The following SDK2 variants were observed in gnomAD, a reference collection of about 807,000 sequenced individuals.
The protein encoded by SDK2 is protein sidekick-2.
A neutral mutation model predicts 253.9 loss-of-function variants in SDK2; 105 were observed. The observed-to-expected ratio is 0.41, with a 90% CI of 0.35 to 0.49. The LOEUF (loss-of-function observed/expected upper bound fraction) is 0.49. Among genes scored for constraint, SDK2 ranks in the 20% least tolerant of loss-of-function variants. The pLI is 0.06. For synonymous variants in SDK2, 1,249 were observed against 1,234.9 expected (o/e 1.01, Z -0.24); for missense variants, 2,608 against 3,003.0 (o/e 0.87, Z 3.07).
chr17:73,643,957 TCCCGCCGCCCCTCC>T lies in SDK2; in HGVS notation c.64+54_64+67del. On this transcript the variant is annotated intron_variant, in intron 1 of 44. Transcript: ENST00000392650. The surrounding 1 kb of genome is among the most constrained non-coding windows in gnomAD (Gnocchi z 6.9). ...GGAGGTCACCGTGAGGCCGGCCAGC[TCCCGCCGCCCCTCC>T]CCCGCCCACTCTCCCAGCCCCCTCC... 2.0e-6 allele frequency: 2 copies of T among 1,019,998 alleles called. No homozygotes were observed. The highest frequency in any genetic ancestry group is 1.6e-5 in the African/African-American group (1 of 63,134). The allele number at this position is 1,019,998 out of a possible 1,614,324, so 63.2% of individuals were successfully genotyped here. A position where few individuals can be genotyped will look rare whatever the true frequency, so the allele number is the denominator to read the frequency against.
intron 2 of SDK2, among the ~76,000 whole-genome samples, chr17:73,506,696 G>A (rs562209636): frequency 9.8e-5 from 15 of 152,354 alleles, no homozygotes; most frequent in East Asian, 3.9e-4. Flanking sequence ...TAAAACAGGC[G>A]GAGGTGGGAG....
At chr17:73,350,874 T>C in intron 41 of SDK2, 84 bp from the exon 42 acceptor site, 1 of 1,417,334 alleles carries the variant, frequency 7.1e-7, no homozygotes, top group Admixed American at 2.2e-5. Flanking sequence ...CCCTACTAAC[T>C]GCTACAATCT....
chr17:73,394,357 C>A, intron 25 of SDK2, 33 bp from the exon 26 acceptor site: 1 of 1,438,392 alleles, frequency 7.0e-7, no homozygotes, highest in East Asian at 2.4e-5. Context: ...AGAAGGCACT[C>A]AGGACCCAAC....
At chr17:73,381,774 G>T (rs1255484028) in intron 33 of SDK2, among the ~76,000 whole-genome samples, 6 of 152,108 alleles carry the variant, frequency 3.9e-5, no homozygotes, top group African/African-American at 1.4e-4. Flanking sequence ...GCATAGTGGT[G>T]CACGCCTGTA....
chr17:73,426,595 C>CATTT (rs1199457210), intron 12 of SDK2, among the ~76,000 whole-genome samples: 1 of 152,132 alleles, frequency 6.6e-6, no homozygotes, highest in East Asian at 1.9e-4. Context: ...CATTCCAAAT[C>CATTT]ATTTCCTCAA....
chr17:73,625,216 C>A (rs1292686013), intron 1 of SDK2, among the ~76,000 whole-genome samples: 1 of 152,154 alleles, frequency 6.6e-6, no homozygotes, highest in Non-Finnish European at 1.5e-5. Flanking sequence ...AAGCAGGCAC[C>A]AGGGCGCGAG....
At chr17:73,381,017 C>T (rs2062826603) in intron 33 of SDK2, 67 bp from the exon 34 acceptor site, 1 of 948,452 alleles carries the variant, frequency 1.1e-6, no homozygotes, top group Non-Finnish European at 1.7e-6. Context: ...TTAGTGCTCA[C>T]ACATCCCCAC....
intron 1 of SDK2, among the ~76,000 whole-genome samples, chr17:73,603,431 C>T (rs1358798956): frequency 6.6e-6 from 1 of 152,244 alleles, no homozygotes; most frequent in Non-Finnish European, 1.5e-5. Flanking sequence ...GCATCTATCA[C>T]ACTGATAAGT....
chr17:73,488,637 C>A (rs2063784670), intron 2 of SDK2, among the ~76,000 whole-genome samples: 1 of 151,494 alleles, frequency 6.6e-6, no homozygotes, highest in South Asian at 2.1e-4. Context: ...CCTTCTACCA[C>A]TTAACAGTAA....
intron 44 of SDK2, among the ~76,000 whole-genome samples, chr17:73,342,576 T>TGGG (rs1374132393): frequency 6.6e-6 from 1 of 152,200 alleles, no homozygotes; most frequent in Non-Finnish European, 1.5e-5. Context: ...GGTTCGGTCT[T>TGGG]TCCACCCACT....
Position 73,416,051 on chromosome 17 carries a change from A to C in SDK2, c.2187-59T>G, listed in dbSNP as rs1568392219. 2.0e-6 allele frequency: 3 copies of C among 1,501,452 alleles called. No individual in the cohort carries two copies. In the African/African-American group the frequency reaches 4.1e-5, roughly 21 times the overall value. The allele number at this position is 1,501,452 out of a possible 1,614,324, so 93.0% of individuals were successfully genotyped here. On this transcript the variant is annotated intron_variant, in intron 16 of 44. Coordinates refer to ENST00000392650, the MANE Select transcript of SDK2 (RefSeq NM_001144952.2). ...AGTCAGCTTCCTTGGCCTCGTACCC[A>C]GGAAATTGTCCAGAGCAGCGCTGTC...
chr17:73,422,042 A>G (rs8079232), intron 15 of SDK2, among the ~76,000 whole-genome samples: 111,042 of 152,096 alleles, frequency 0.73, 41,501 homozygotes, highest in Non-Finnish European at 0.78. Context: ...CACAGCTCCC[A>G]GTAACTGGGA....
intron 2 of SDK2, among the ~76,000 whole-genome samples, chr17:73,492,219 G>T (rs1385108208): frequency 6.6e-6 from 1 of 152,170 alleles, no homozygotes; most frequent in African/African-American, 2.4e-5. Context: ...AGACCAGGGG[G>T]AATAATAATC....
rs141677570 is a variant in SDK2 at position 73,525,954 on chromosome 17, C to T, written c.65-18357G>A. ...AGAGTGAGCAAGAAGGAAATCTCTG[C>T]CTTAAGGAGCTCCCAGGCTCACAGG... is the stretch of plus-strand genomic sequence containing the variant. On this transcript the variant is annotated intron_variant, in intron 1 of 44. Transcript: ENST00000392650. Among the ~76,000 whole-genome samples, 629 of 152,366 alleles carry T rather than the reference C, an allele frequency of 4.1e-3. 3 individuals are homozygous for T. The highest frequency in any genetic ancestry group is 8.3e-3 in the Admixed American group (127 of 15,310).
At chr17:73,390,898 G>A (rs920329977) in intron 28 of SDK2, among the ~76,000 whole-genome samples, 1 of 152,212 alleles carries the variant, frequency 6.6e-6, no homozygotes, top group African/African-American at 2.4e-5. Flanking sequence ...GTGAGGTCAG[G>A]ACTGAGAACC....
intron 5 of SDK2, among the ~76,000 whole-genome samples, chr17:73,446,894 A>G (rs1599574510): frequency 6.6e-6 from 1 of 151,976 alleles, no homozygotes; most frequent in Admixed American, 6.6e-5. Flanking sequence ...GGGCTCGTCC[A>G]GTAGGGAGAA....
rs1393896092 is a variant in SDK2 at position 73,336,743 on chromosome 17, A to C, written c.*1844T>G. ...CTCTGCTCACCCACCCCAACAGAGC[A>C]TCATCTCTTGGGCAGGGCCAGCAGC... On this transcript the variant is annotated 3_prime_UTR_variant, in exon 45 of 45. Transcript: ENST00000392650. 1 of 152,800 alleles carries C rather than the reference A, an allele frequency of 6.5e-6. No homozygotes were observed. The highest frequency in any genetic ancestry group is 2.4e-5 in the African/African-American group (1 of 41,454). 9.5% of individuals were successfully genotyped at this position (152,800 alleles called of 1,614,324 possible). A position where few individuals can be genotyped will look rare whatever the true frequency, so the allele number is the denominator to read the frequency against.
At chr17:73,549,037 C>T (rs190928895) in intron 1 of SDK2, among the ~76,000 whole-genome samples, 9 of 152,374 alleles carry the variant, frequency 5.9e-5, no homozygotes, top group East Asian at 1.9e-4. Flanking sequence ...GTCCAAATGA[C>T]GCCATCAGCC....
chr17:73,439,268 C>T (rs1048948856), intron 6 of SDK2, among the ~76,000 whole-genome samples: 2 of 152,148 alleles, frequency 1.3e-5, no homozygotes, highest in Non-Finnish European at 2.9e-5. Flanking sequence ...GTTTCTTGTA[C>T]AGCCAGCAGA....
Sources: gnomAD v4.1 joint callset for allele counts (sites outside exome capture counted in the v4.1 genomes callset) on GRCh38, gnomAD v4.1.1 for gene constraint, Gnocchi (gnomAD v3.1) non-coding constraint, MANE v1.5 for transcripts, NCBI Gene and HGNC (gene_info 2026-07-23, HGNC 2026-07-21) for gene names.